DMBT1: variants seen among roughly 807,000 people sequenced by gnomAD.
The protein encoded by DMBT1 is deleted in malignant brain tumors 1.
DMBT1 carries 198 observed loss-of-function variants against 252.9 expected under a neutral mutation model. The observed-to-expected ratio is 0.78, with a 90% confidence interval of 0.70 to 0.88. The LOEUF (loss-of-function observed/expected upper bound fraction) is 0.88, where lower values mean the gene tolerates loss of function less well. Among genes scored for constraint, DMBT1 ranks in the 40% least tolerant of loss-of-function variants. The probability of loss-of-function intolerance (pLI) is 0.00; values close to 1 mark genes in which losing one functional copy is unlikely to be tolerated. For synonymous variants in DMBT1, 990 were observed against 942.7 expected (o/e 1.05, Z -0.92); for missense variants, 2,432 against 2,404.7 (o/e 1.01, Z -0.24).
Position 122,640,246 on chromosome 10 carries a change from CG to C in DMBT1, c.7150del (p.Val2384Ter). Reference protein sequence around the residue: ...VEEVQYGNFDVNISFYTSSSF... With the variant: ...VEEVQYGNFDXNISFYTSSSF... ...AGGAAGTCCAGTATGGCAATTTTGA[CG>C]TGAACATTTCCTTTTATACTTCCTC... On this transcript the variant is annotated frameshift_variant, in exon 55 of 56. Transcript: ENST00000338354. LOFTEE classifies it high-confidence loss of function. The C allele has an allele frequency of 6.2e-7, 1 of 1,614,030 alleles. No homozygotes were observed. The highest frequency in any genetic ancestry group is 8.5e-7 in the Non-Finnish European group (1 of 1,179,898).
chr10:122,579,221 T>C (rs1308169338), intron 9 of DMBT1, among the ~76,000 whole-genome samples: 1 of 152,118 alleles, frequency 6.6e-6, no homozygotes, highest in Non-Finnish European at 1.5e-5. Flanking sequence ...TCTCTGGTAC[T>C]CTGCCAGTCA....
chr10:122,576,012 C>T (rs1021971426), intron 6 of DMBT1, among the ~76,000 whole-genome samples: 1 of 152,188 alleles, frequency 6.6e-6, no homozygotes, highest in Non-Finnish European at 1.5e-5. Context: ...GCTGCAGATA[C>T]ACATCAGAGC....
At position 122,573,238 on chromosome 10, in the gene DMBT1, C is replaced by T. The variant is rs140927058; in HGVS notation, c.236-477C>T. The stretch of plus-strand genomic sequence containing the variant: ...GGGACTGGGCTCCCCAAGGGGGCAT[C>T]GTCCTCCATGCAGCCACTTTGTGAG... On this transcript the variant is annotated intron_variant, in intron 5 of 55. Transcript: ENST00000338354. Among the ~76,000 whole-genome samples the T allele has an allele frequency of 1.4e-3, 209 of 152,338 alleles. 1 individual carries two copies. Among genetic ancestry groups the T allele is most frequent in the African/African-American group, 4.8e-3 (199 of 41,580 alleles).
intron 1 of DMBT1, among the ~76,000 whole-genome samples, chr10:122,565,365 T>C (rs2097581460): frequency 6.6e-6 from 1 of 152,100 alleles, no homozygotes; most frequent in Admixed American, 6.5e-5. Context: ...ACCTCTAAAA[T>C]ATATAAAAGT....
rs561882323 is a variant in DMBT1, at chr10:122,617,902, G to A, written c.4892-115G>A. 4.6e-6 allele frequency: 7 copies of A among 1,526,200 alleles called. No homozygotes were observed. In the African/African-American group the frequency reaches 5.5e-5, roughly 12 times the overall value. 94.5% of individuals were successfully genotyped at this position (1,526,200 alleles called of 1,614,324 possible). On this transcript the variant is annotated intron_variant, in intron 40 of 55. Coordinates refer to ENST00000338354, the MANE Select transcript of DMBT1 (RefSeq NM_001377530.1). ...CCTCCGGTAGCAGTTGTATGCAATT[G>A]TGACTGCTTGCCCAGGTGACTCTGG...
Position 122,643,438 on chromosome 10 carries a change from C to A in DMBT1, c.*40C>A, listed in dbSNP as rs1844937862. ...ACCCCACTGTCCACCGGGGCGCAGACCCCTGACTCGGGGACTTGGGATGTT... is the reference window on the plus strand; with the variant it reads ...ACCCCACTGTCCACCGGGGCGCAGAACCCTGACTCGGGGACTTGGGATGTT... On this transcript the variant is annotated 3_prime_UTR_variant, in exon 56 of 56. Transcript: ENST00000338354. 1.3e-6 allele frequency: 2 copies of A among 1,574,516 alleles called. No individual in the cohort carries two copies. The highest frequency in any genetic ancestry group is 1.4e-5 in the African/African-American group (1 of 73,886).
At chr10:122,585,363 G>A (rs2097780658) in intron 15 of DMBT1, 54 bp downstream of exon 15, 1 of 1,554,586 alleles carries the variant, frequency 6.4e-7, no homozygotes, top group Non-Finnish European at 8.8e-7. Flanking sequence ...CTGGACAAAT[G>A]TTTTTTTCTG....
Position 122,576,693 on chromosome 10 carries a change from A to T in DMBT1, c.578A>T (p.His193Leu), listed in dbSNP as rs754101891. 1 of 1,613,778 alleles carries T rather than the reference A, an allele frequency of 6.2e-7. No individual in the cohort carries two copies. Among genetic ancestry groups the T allele is most frequent in the Middle Eastern group, 1.7e-4 (1 of 6,056 alleles). Residue 193 changes from histidine (H) to leucine (L), a missense_variant, in exon 7 of 56, where the codon CAT becomes CTT. By Grantham distance (99) the His-to-Leu change is moderately conservative (BLOSUM62 -3). Coordinates refer to ENST00000338354, the MANE Select transcript of DMBT1 (RefSeq NM_001377530.1). Reference protein sequence around the residue: ...HNGWLSHNCGHGEDAGVICSA... With the variant: ...HNGWLSHNCGLGEDAGVICSA... Reference sequence around the variant, plus strand: ...GGCTGGCTCTCCCATAACTGTGGCCATGGTGAAGATGCTGGTGTTATCTGC... The same window carrying T: ...GGCTGGCTCTCCCATAACTGTGGCCTTGGTGAAGATGCTGGTGTTATCTGC...
rs572015120 is a variant in DMBT1 at position 122,631,904 on chromosome 10, C to T, written c.6367+29C>T. On this transcript the variant is annotated intron_variant, in intron 50 of 55. Transcript: ENST00000338354. ...AGTCCCTCCGATTTCCATTCCACTT[C>T]CCTGGTCTCCAGGTCTCTCCATTAC... 52 of 1,612,206 alleles carry T rather than the reference C, an allele frequency of 3.2e-5. No homozygotes were observed. The East Asian group carries it at 8.0e-4, about 25-fold the overall frequency.
chr10:122,572,290 G>A, intron 4 of DMBT1, 24 bp from the exon 5 acceptor site: 2 of 1,613,048 alleles, frequency 1.2e-6, no homozygotes, highest in Non-Finnish European at 8.5e-7. Context: ...CCATCAATGA[G>A]CTCTTCCTTT....
chr10:122,572,518 C>A (rs2097674147), intron 5 of DMBT1, among the ~76,000 whole-genome samples, 157 bp downstream of exon 5: 1 of 152,122 alleles, frequency 6.6e-6, no homozygotes, highest in Non-Finnish European at 1.5e-5. Context: ...GTATGTGCAA[C>A]TCTGAGTCCA....
At chr10:122,593,425 A>T (rs781536627) in intron 20 of DMBT1, 144 bp from the exon 21 acceptor site, 6 of 1,049,278 alleles carry the variant, frequency 5.7e-6, no homozygotes, top group East Asian at 2.6e-5. Flanking sequence ...CTCTGTGGGG[A>T]TGTGCATGGC....
intron 25 of DMBT1, 34 bp from the exon 26 acceptor site, chr10:122,598,740 G>A: frequency 1.2e-6 from 2 of 1,612,342 alleles, no homozygotes; most frequent in Non-Finnish European, 1.7e-6. Flanking sequence ...CCTCATGATA[G>A]GGATGGATGA....
At position 122,625,405 on chromosome 10, in the gene DMBT1, T is replaced by A. The variant is rs2098111732; in HGVS notation, c.5635+102T>A. The A allele has an allele frequency of 4.4e-6, 5 of 1,126,748 alleles. No individual in the cohort carries two copies. The South Asian group carries it at 6.6e-5, about 15-fold the overall frequency. The allele number at this position is 1,126,748 out of a possible 1,614,324, so 69.8% of individuals were successfully genotyped here. A position where few individuals can be genotyped will look rare whatever the true frequency, so the allele number is the denominator to read the frequency against. ...GTAGGGTAGACTCCCCCTGGGGGGG[T>A]AATTTCTCTCTGAGGACTCTGATCT... On this transcript the variant is annotated intron_variant, in intron 45 of 55. Coordinates refer to ENST00000338354, the MANE Select transcript of DMBT1 (RefSeq NM_001377530.1).
rs1844911573 is a variant in DMBT1, at chr10:122,643,351, C to G, written c.7582C>G (p.Pro2528Ala). 1 of 1,613,928 alleles carries G rather than the reference C, an allele frequency of 6.2e-7. No homozygotes were observed. Among genetic ancestry groups the G allele is most frequent in the Non-Finnish European group, 8.5e-7 (1 of 1,179,886 alleles). ...YQEKVDVVLGPIQLQTPPRRE... is the reference protein window; with the variant it reads ...YQEKVDVVLGAIQLQTPPRRE... ...GGAAAAGGTGGACGTCGTCCTGGGT[C>G]CCATCCAGCTGCAGACCCCCCCACG... Residue 2528 changes from proline to alanine, a missense_variant, in exon 56 of 56, where the codon CCC becomes GCC. Around this residue, in one of 3 missense-constraint regions of DMBT1, gnomAD observed 1,162 missense variants for 1,169.0 expected, o/e 0.99. Coordinates refer to ENST00000338354, the MANE Select transcript of DMBT1 (RefSeq NM_001377530.1).
intron 1 of DMBT1, among the ~76,000 whole-genome samples, chr10:122,561,607 G>A (rs114191030): frequency 0.05 from 5,842 of 117,196 alleles, 390 homozygotes; most frequent in African/African-American, 0.16. Flanking sequence ...CTATTGTGTA[G>A]TTATTATCAT....
At position 122,598,939 on chromosome 10, in the gene DMBT1, C is replaced by T. The variant is rs754500938; in HGVS notation, c.3122C>T (p.Ser1041Leu). Residue 1041 changes from serine to leucine, a missense_variant, in exon 26 of 56, where the codon TCA becomes TTA. Ser to Leu is a moderately radical substitution (Grantham distance 145). This residue lies in a region of DMBT1 where 1,264 missense variants were observed against 1,082.2 expected (regional missense o/e 1.17). Coordinates refer to ENST00000338354, the MANE Select transcript of DMBT1 (RefSeq NM_001377530.1). ...CRQLGCGWAMSAPGNARFGQG... is the reference protein window; with the variant it reads ...CRQLGCGWAMLAPGNARFGQG... ...CAACTGGGCTGTGGCTGGGCCATGT[C>T]AGCCCCAGGAAATGCCCGGTTTGGT... The T allele has an allele frequency of 4.2e-5, 68 of 1,613,702 alleles. No individual in the cohort carries two copies. Among genetic ancestry groups the T allele is most frequent in the African/African-American group, 8.0e-5 (6 of 74,920 alleles).
intron 26 of DMBT1, 50 bp from the exon 27 acceptor site, chr10:122,600,014 C>G: frequency 1.9e-6 from 3 of 1,604,262 alleles, no homozygotes; most frequent in Non-Finnish European, 2.6e-6. Flanking sequence ...TCCACTTTGC[C>G]GACTTCTGTG....
chr10:122,621,708 C>T (rs2098071061), intron 44 of DMBT1, among the ~76,000 whole-genome samples: 1 of 152,156 alleles, frequency 6.6e-6, no homozygotes. Flanking sequence ...ATGGTGGACA[C>T]AGCACAGACA....
Sources: gnomAD v4.1 joint callset for allele counts (sites outside exome capture counted in the v4.1 genomes callset) on GRCh38, gnomAD v4.1.1 for gene constraint, gnomAD v4.1.1 regional missense constraint, MANE v1.5 for transcripts, NCBI Gene and HGNC (gene_info 2026-07-23, HGNC 2026-07-21) for gene names.